The following SPECC1L variants were observed in gnomAD, a reference collection of about 807,000 sequenced individuals.
SPECC1L encodes sperm antigen with calponin homology and coiled-coil domains 1 like, also known as cytospin-A.
Under a neutral mutation model 116.8 loss-of-function variants are expected in SPECC1L, and 40 were observed. The observed-to-expected ratio is 0.34, with a 90% CI of 0.27 to 0.45. The LOEUF (loss-of-function observed/expected upper bound fraction) is 0.45, where lower values mean the gene tolerates loss of function less well. Ranked by LOEUF, SPECC1L falls within the 20% of genes least tolerant of loss-of-function variation. The pLI, the probability that SPECC1L is intolerant of heterozygous loss-of-function variation, is 1.00. For missense variants in SPECC1L, 1,110 were observed against 1,373.6 expected (o/e 0.81, Z 3.03); for synonymous variants, 504 against 500.6 (o/e 1.01, Z -0.09).
At chr22:24,307,607 G>C (rs1601529073) in intron 3 of SPECC1L, among the ~76,000 whole-genome samples, 1 of 152,100 alleles carries the variant, frequency 6.6e-6, no homozygotes, top group Admixed American at 6.5e-5. Context: ...GTGAGTGTGT[G>C]TGTGTGTGTA....
intron 14 of SPECC1L, among the ~76,000 whole-genome samples, chr22:24,400,068 C>CT (rs2042443383): frequency 6.6e-6 from 1 of 152,192 alleles, no homozygotes; most frequent in Non-Finnish European, 1.5e-5. Context: ...CTGGCAGCCT[C>CT]TTTTATTTGA....
chr22:24,294,519 T>G (rs1000013419), intron 2 of SPECC1L, among the ~76,000 whole-genome samples: 3 of 151,500 alleles, frequency 2.0e-5, no homozygotes, highest in Non-Finnish European at 4.4e-5. Flanking sequence ...TTAGCTGGGA[T>G]TACAGGCACG....
At chr22:24,272,723 C>T (rs757702167) in intron 1 of SPECC1L, among the ~76,000 whole-genome samples, 4 of 150,570 alleles carry the variant, frequency 2.7e-5, no homozygotes, top group Non-Finnish European at 5.9e-5. Flanking sequence ...ATAACCAAAC[C>T]AACATAGAAG....
intron 14 of SPECC1L, among the ~76,000 whole-genome samples, chr22:24,404,003 A>G (rs2042533044): frequency 6.6e-6 from 1 of 152,098 alleles, no homozygotes; most frequent in Admixed American, 6.6e-5. Context: ...TTTATTCGCC[A>G]TTGCTCCTGT....
chr22:24,319,081 A>G (rs5751846), intron 4 of SPECC1L, among the ~76,000 whole-genome samples: 120,324 of 152,078 alleles, frequency 0.79, 48,458 homozygotes, highest in African/African-American at 0.95. Flanking sequence ...TACCTCATTG[A>G]TCTACCTGCC....
chr22:24,347,233 C>CT, intron 11 of SPECC1L, 57 bp downstream of exon 11: 4 of 1,347,336 alleles, frequency 3.0e-6, no homozygotes, highest in Non-Finnish European at 4.3e-6. Context: ...ATTGTTCTGG[C>CT]TTTTTTGGCA....
chr22:24,403,362 A>G (rs563646167), intron 14 of SPECC1L, among the ~76,000 whole-genome samples: 8 of 152,362 alleles, frequency 5.3e-5, no homozygotes, highest in South Asian at 2.1e-4. Context: ...AACTTGCATT[A>G]TAATTAGTAA....
rs552726518 is a variant in SPECC1L at position 24,295,939 on chromosome 22, A to T, written c.-37-6256A>T. Among the ~76,000 whole-genome samples, 58 of 152,278 alleles carry T rather than the reference A, an allele frequency of 3.8e-4. 3 individuals are homozygous for T. The South Asian group carries it at 0.012, about 31-fold the overall frequency. On this transcript the variant is annotated intron_variant, in intron 2 of 16. Transcript: ENST00000314328. The stretch of plus-strand genomic sequence containing the variant: ...CTCCAGACTGGGGGAGAAGAGCAAG[A>T]CTTCATCTCAAAAACAAAAAGTATA...
chr22:24,316,668 A>C (rs1442136378), intron 4 of SPECC1L, among the ~76,000 whole-genome samples: 1 of 149,500 alleles, frequency 6.7e-6, no homozygotes, highest in South Asian at 2.2e-4. Context: ...AAAGTCTCCC[A>C]TGTCTACCTC....
At position 24,313,301 on chromosome 22, in the gene SPECC1L, T is replaced by G; in HGVS notation, c.154-12T>G. 1 of 1,614,100 alleles carries G rather than the reference T, an allele frequency of 6.2e-7. No homozygotes were observed. Among genetic ancestry groups the G allele is most frequent in the Non-Finnish European group, 8.5e-7 (1 of 1,180,000 alleles). The stretch of plus-strand genomic sequence containing the variant: ...ATCTAGTAAATTTGTTTTTATTTTC[T>G]GTTGCTTCTAGACCAAGAGCAGTGA... On this transcript the variant is annotated splice_polypyrimidine_tract_variant and intron_variant, in intron 3 of 16. Transcript: ENST00000314328.
intron 3 of SPECC1L, among the ~76,000 whole-genome samples, chr22:24,308,114 T>G (rs765227887): frequency 5.1e-4 from 78 of 152,276 alleles, no homozygotes; most frequent in Non-Finnish European, 9.3e-4. Flanking sequence ...ATAATGCTCC[T>G]TTACTGCTGA....
chr22:24,400,061 G>C (rs1463997633), intron 14 of SPECC1L, among the ~76,000 whole-genome samples: 2 of 152,140 alleles, frequency 1.3e-5, no homozygotes, highest in African/African-American at 4.8e-5. Context: ...AGAACATCTG[G>C]CAGCCTCTTT....
At chr22:24,308,676 C>A (rs1456357863) in intron 3 of SPECC1L, among the ~76,000 whole-genome samples, 2 of 152,098 alleles carry the variant, frequency 1.3e-5, no homozygotes, top group Non-Finnish European at 2.9e-5. Context: ...AGACTTTTCA[C>A]CCTGGTTTTA....
chr22:24,317,128 C>G (rs1392639770), intron 4 of SPECC1L, among the ~76,000 whole-genome samples: 1 of 106,308 alleles, frequency 9.4e-6, no homozygotes, highest in African/African-American at 3.5e-5. Flanking sequence ...GCTGGCTGGG[C>G]GGGGGGCTGA....
At chr22:24,298,775 G>T (rs1467260440) in intron 2 of SPECC1L, among the ~76,000 whole-genome samples, 9 of 152,154 alleles carry the variant, frequency 5.9e-5, no homozygotes, top group Non-Finnish European at 1.3e-4. Flanking sequence ...ATGAGATGAG[G>T]CCCACCCACA....
At chr22:24,299,572 C>T (rs1205881781) in intron 2 of SPECC1L, among the ~76,000 whole-genome samples, 15 of 152,144 alleles carry the variant, frequency 9.9e-5, no homozygotes, top group African/African-American at 3.4e-4. Flanking sequence ...TTCTTTTCTC[C>T]TCTTGGACCT....
At position 24,363,293 on chromosome 22, in the gene SPECC1L, C is replaced by A; in HGVS notation, c.2776C>A (p.Pro926Thr). Residue 926 changes from proline to threonine, a missense_variant, in exon 12 of 17, where the codon CCT (proline) becomes ACT (threonine). Pro to Thr is a conservative substitution (Grantham distance 38). This residue lies in a region of SPECC1L where 575 missense variants were observed against 682.4 expected (regional missense o/e 0.84). Transcript: ENST00000314328. ...GTTAAGAACATCTTCAGCCAGCCGG[C>A]CTGCTTCCCTGCCAAGAGTGCCTGC... is the stretch of plus-strand genomic sequence containing the variant. ...HLLRTSSASR[P>T]ASLPRVPAME... 1 of 1,614,190 alleles carries A rather than the reference C, an allele frequency of 6.2e-7. No individual in the cohort carries two copies. Among genetic ancestry groups the A allele is most frequent in the Non-Finnish European group, 8.5e-7 (1 of 1,180,016 alleles).
intron 14 of SPECC1L, among the ~76,000 whole-genome samples, chr22:24,382,214 A>G (rs1167523331): frequency 2.0e-5 from 3 of 152,194 alleles, no homozygotes; most frequent in African/African-American, 4.8e-5. Flanking sequence ...GAAAAATTCA[A>G]TTGAGTTGAG....
At chr22:24,340,140 CTTTTTTT>C (rs765402107) in intron 10 of SPECC1L, among the ~76,000 whole-genome samples, 1 of 105,140 alleles carries the variant, frequency 9.5e-6, no homozygotes, top group African/African-American at 4.6e-5. Context: ...ATTTAATGAC[CTTTTTTT>C]TTTTTTTTTT....
Sources: gnomAD v4.1 joint callset for allele counts (sites outside exome capture counted in the v4.1 genomes callset) on GRCh38, gnomAD v4.1.1 for gene constraint, gnomAD v4.1.1 regional missense constraint, MANE v1.5 for transcripts, NCBI Gene and HGNC (gene_info 2026-07-23, HGNC 2026-07-21) for gene names.